ITGAV: variants seen among roughly 807,000 people sequenced by gnomAD.
The protein encoded by ITGAV is integrin alpha-V.
ITGAV carries 76 observed loss-of-function variants against 143.8 expected under a neutral mutation model. That is an observed-to-expected ratio of 0.53 (90% CI 0.44 to 0.64). The LOEUF (loss-of-function observed/expected upper bound fraction) is 0.64, where lower values mean the gene tolerates loss of function less well. ITGAV is among the 30% of genes least tolerant of loss of function. ITGAV has a pLI of 0.00. For missense variants in ITGAV, 1,193 were observed against 1,274.7 expected (o/e 0.94, Z 0.98); for synonymous variants, 453 against 446.7 (o/e 1.01, Z -0.18).
intron 4 of ITGAV, among the ~76,000 whole-genome samples, chr2:186,626,657 C>CA (rs1687684280): frequency 6.6e-6 from 1 of 152,186 alleles, no homozygotes. Context: ...TCAATAAACA[C>CA]TTATTTTCTT....
intron 2 of ITGAV, among the ~76,000 whole-genome samples, chr2:186,613,818 AC>A (rs1480944929): frequency 6.6e-6 from 1 of 152,120 alleles, no homozygotes; most frequent in Admixed American, 6.5e-5. Flanking sequence ...ATCATTAACC[AC>A]CAGTTTAGTC....
In ITGAV at chr2:186,679,988, A is replaced by G. The variant is rs1274669092; in HGVS notation, c.*2696A>G. ...AAGAGGGCTGTGAAAGATTTTTGAT[A>G]GTGAATCATGACCCTAAGGGAGAGA... On this transcript the variant is annotated 3_prime_UTR_variant, in exon 30 of 30. Transcript: ENST00000261023. 1 of 152,158 alleles carries G rather than the reference A, an allele frequency of 6.6e-6. No individual in the cohort carries two copies. Among genetic ancestry groups the G allele is most frequent in the East Asian group, 1.9e-4 (1 of 5,200 alleles). The allele number at this position is 152,158 out of a possible 1,614,324, so 9.4% of individuals were successfully genotyped here.
At chr2:186,619,912 A>G (rs546454490) in intron 2 of ITGAV, among the ~76,000 whole-genome samples, 1 of 152,170 alleles carries the variant, frequency 6.6e-6, no homozygotes, top group Non-Finnish European at 1.5e-5. Context: ...GAATCGCTTG[A>G]ACTCGGGAGG....
chr2:186,646,806 C>T lies in ITGAV; in HGVS notation c.1280C>T (p.Ala427Val). 6.2e-7 allele frequency: 1 copy of T among 1,611,956 alleles called. No individual in the cohort carries two copies. Among genetic ancestry groups the T allele is most frequent in the Non-Finnish European group, 8.5e-7 (1 of 1,178,480 alleles). Residue 427 changes from alanine (A) to valine (V), a missense_variant, in exon 13 of 30, where the codon GCT (alanine) becomes GTT (valine). Transcript: ENST00000261023. ...CAAATCCTTGAAGGGCAGTGGGCTGCTCGAAGCATGCCACCAAGCTTTGGC... is the reference window on the plus strand; with the variant it reads ...CAAATCCTTGAAGGGCAGTGGGCTGTTCGAAGCATGCCACCAAGCTTTGGC... ...PSQILEGQWA[A>V]RSMPPSFGYS...
chr2:186,658,192 ATAGAT>A, intron 17 of ITGAV, among the ~76,000 whole-genome samples: 1 of 152,292 alleles, frequency 6.6e-6, no homozygotes, highest in East Asian at 1.9e-4. Flanking sequence ...TACCACATGA[ATAGAT>A]TAAAGAAGAA....
rs998584664 is a variant in ITGAV, at chr2:186,641,918, C to T, written c.1159+330C>T. ...TTCTGCATCCTGCTTAGCAGCAGTG[C>T]CCTCTTCTGTTCATTTGGCTACAAG... On this transcript the variant is annotated intron_variant, in intron 12 of 29. Coordinates refer to ENST00000261023, the MANE Select transcript of ITGAV (RefSeq NM_002210.5). Among the ~76,000 whole-genome samples the T allele has an allele frequency of 2.6e-5, 4 of 152,218 alleles. No homozygotes were observed. The East Asian group carries it at 5.8e-4, about 22-fold the overall frequency.
intron 15 of ITGAV, among the ~76,000 whole-genome samples, chr2:186,653,501 T>C (rs1688501197): frequency 6.6e-6 from 1 of 152,182 alleles, no homozygotes; most frequent in Non-Finnish European, 1.5e-5. Flanking sequence ...ATTAAAGATA[T>C]TGTTCCTGAA....
chr2:186,590,401 G>C lies in ITGAV; in HGVS notation c.63G>C (p.Ser21=). 1 of 1,607,814 alleles carries C rather than the reference G, an allele frequency of 6.2e-7. No homozygotes were observed. The highest frequency in any genetic ancestry group is 8.5e-7 in the Non-Finnish European group (1 of 1,177,632). Reference sequence around the variant, plus strand: ...CCCGCGGCCTCCCGCTTCTTCTCTCGGGACTCCTGCTACCTCTGTGCCGCG... The same window carrying C: ...CCCGCGGCCTCCCGCTTCTTCTCTCCGGACTCCTGCTACCTCTGTGCCGCG... ...LGPRGLPLLL[S]GLLLPLCRAF... is the part of the protein sequence containing the mutation. The change falls in exon 1 of 30, where the codon TCG becomes TCC. Residue 21 remains serine (S), a synonymous_variant. Transcript: ENST00000261023.
intron 4 of ITGAV, among the ~76,000 whole-genome samples, chr2:186,627,675 TTGTTGA>T (rs545134684): frequency 6.6e-6 from 1 of 152,182 alleles, no homozygotes; most frequent in Non-Finnish European, 1.5e-5. Flanking sequence ...CCACACCCAT[TTGTTGA>T]TGTGTTATCT....
chr2:186,660,971 G>A lies in ITGAV; in HGVS notation c.1857+1796G>A, dbSNP rs142205371. On this transcript the variant is annotated intron_variant, in intron 18 of 29. Coordinates refer to ENST00000261023, the MANE Select transcript of ITGAV (RefSeq NM_002210.5). ...TTGGATTAGGGCCCACCTTAAAGACGTTTTAACTTAATAACTTCTTGAAAG... is the reference window on the plus strand; with the variant it reads ...TTGGATTAGGGCCCACCTTAAAGACATTTTAACTTAATAACTTCTTGAAAG... Among the ~76,000 whole-genome samples the A allele has an allele frequency of 1.5e-3, 230 of 152,222 alleles. 1 individual carries two copies. The highest frequency in any genetic ancestry group is 5.0e-3 in the African/African-American group (207 of 41,542).
At chr2:186,673,386 G>C (rs1393631739) in intron 26 of ITGAV, among the ~76,000 whole-genome samples, 1 of 152,054 alleles carries the variant, frequency 6.6e-6, no homozygotes, top group Non-Finnish European at 1.5e-5. Flanking sequence ...AGATTATTTT[G>C]GTTAGAGTCC....
At chr2:186,656,876 G>C (rs147051832) in intron 17 of ITGAV, among the ~76,000 whole-genome samples, 10 of 152,228 alleles carry the variant, frequency 6.6e-5, no homozygotes, top group Admixed American at 3.3e-4. Context: ...TACGACAGAG[G>C]TGCATTCTGA....
At chr2:186,659,246 A>C in intron 18 of ITGAV, 71 bp downstream of exon 18, 4 of 1,064,266 alleles carry the variant, frequency 3.8e-6, no homozygotes, top group Non-Finnish European at 3.8e-6. Flanking sequence ...TTTAAATATT[A>C]GAGGAGATTT....
intron 4 of ITGAV, among the ~76,000 whole-genome samples, chr2:186,629,638 T>C (rs1165993480): frequency 6.6e-6 from 1 of 152,110 alleles, no homozygotes; most frequent in East Asian, 1.9e-4. Context: ...TTCCAGGCTT[T>C]AAAAATGGGT....
Position 186,657,560 on chromosome 2 carries a change from A to G in ITGAV, c.1719+1159A>G, listed in dbSNP as rs531629364. Among the ~76,000 whole-genome samples the G allele has an allele frequency of 3.3e-5, 5 of 152,348 alleles. No homozygotes were observed. In the South Asian group the frequency reaches 1.0e-3, roughly 32 times the overall value. On this transcript the variant is annotated intron_variant, in intron 17 of 29. Transcript: ENST00000261023. ...CAATGAAAATGTGACATCAAAATGT[A>G]TAGGCTATCACAACAGTAGAATGTA...
chr2:186,645,026 T>C (rs1377816238), intron 12 of ITGAV, among the ~76,000 whole-genome samples: 1 of 152,192 alleles, frequency 6.6e-6, no homozygotes, highest in Non-Finnish European at 1.5e-5. Flanking sequence ...ACGTAGGGTC[T>C]GTGATAGGCA....
intron 12 of ITGAV, among the ~76,000 whole-genome samples, chr2:186,645,888 T>C (rs1574487688): frequency 6.6e-6 from 1 of 151,566 alleles, no homozygotes; most frequent in African/African-American, 2.4e-5. Context: ...AGGAGAATGG[T>C]GTGAACCCAG....
At chr2:186,639,526 C>G (rs1688044980) in intron 10 of ITGAV, among the ~76,000 whole-genome samples, 2 of 152,092 alleles carry the variant, frequency 1.3e-5, no homozygotes, top group African/African-American at 4.8e-5. Context: ...GTCTGGTGAC[C>G]ATGTATGAGT....
rs370408067 is a variant in ITGAV at position 186,671,945 on chromosome 2, C to CTTTT, written c.2706+2144_2706+2147dup. 7.8e-4 allele frequency among the ~76,000 whole-genome samples: 103 copies of CTTTT among 131,740 alleles called. 2 individuals are homozygous for CTTTT. Among genetic ancestry groups the CTTTT allele is most frequent in the Middle Eastern group, 4.1e-3 (1 of 244 alleles). 86.4% of individuals were successfully genotyped at this position (131,740 alleles called of 152,430 possible). Reference sequence around the variant, plus strand: ...TATGTTGTGGTGTGCCTTAGTACTCCTTTTTTTTTTTTTTTTCTTTTTTTG... The same window carrying CTTTT: ...TATGTTGTGGTGTGCCTTAGTACTCCTTTTTTTTTTTTTTTTTTTTCTTTTTTTG... On this transcript the variant is annotated intron_variant, in intron 26 of 29. Coordinates refer to ENST00000261023, the MANE Select transcript of ITGAV (RefSeq NM_002210.5).
Sources: gnomAD v4.1 joint callset for allele counts (sites outside exome capture counted in the v4.1 genomes callset) on GRCh38, gnomAD v4.1.1 for gene constraint, MANE v1.5 for transcripts, NCBI Gene and HGNC (gene_info 2026-07-23, HGNC 2026-07-21) for gene names.